Variants in PPARD observed in about 807,000 individuals in gnomAD.
PPARD encodes peroxisome proliferator activated receptor delta.
PPARD carries 6 observed loss-of-function variants against 39.5 expected under a neutral mutation model. The observed-to-expected ratio is 0.15, with a 90% CI of 0.08 to 0.30. The LOEUF (loss-of-function observed/expected upper bound fraction) is 0.30. Ranked by LOEUF, PPARD falls within the 10% of genes least tolerant of loss-of-function variation. The pLI, the probability that PPARD is intolerant of heterozygous loss-of-function variation, is 1.00. For synonymous variants in PPARD, 210 were observed against 231.3 expected (o/e 0.91, Z 0.83); for missense variants, 397 against 596.8 (o/e 0.67, Z 3.49).
chr6:35,402,328 C>T (rs549176617), intron 2 of PPARD, among the ~76,000 whole-genome samples: 2 of 152,290 alleles, frequency 1.3e-5, no homozygotes, highest in South Asian at 2.1e-4. Context: ...ACAGATTTTT[C>T]GCAGTCTTCA....
At chr6:35,395,281 A>G (rs1194130134) in intron 2 of PPARD, among the ~76,000 whole-genome samples, 1 of 152,236 alleles carries the variant, frequency 6.6e-6, no homozygotes, top group African/African-American at 2.4e-5. Context: ...AATCGGGCTT[A>G]GAAAACCCTC....
chr6:35,397,050 A>C (rs928573712), intron 2 of PPARD, among the ~76,000 whole-genome samples: 1 of 151,978 alleles, frequency 6.6e-6, no homozygotes, highest in Admixed American at 6.6e-5. Flanking sequence ...CCTCCTCAGG[A>C]CTCAGCTGCC....
At chr6:35,391,482 C>T (rs74462439) in intron 2 of PPARD, among the ~76,000 whole-genome samples, 431 of 152,316 alleles carry the variant, frequency 2.8e-3, no homozygotes, top group African/African-American at 9.9e-3. Flanking sequence ...TTGCTTACAT[C>T]AGGAGGCACA....
At chr6:35,398,435 G>C (rs1244981681) in intron 2 of PPARD, among the ~76,000 whole-genome samples, 1 of 152,192 alleles carries the variant, frequency 6.6e-6, no homozygotes, top group Non-Finnish European at 1.5e-5. Flanking sequence ...TGGGGGGAAG[G>C]TAAAGGGCTC....
intron 2 of PPARD, among the ~76,000 whole-genome samples, chr6:35,359,430 C>G (rs1380415690): frequency 6.6e-6 from 1 of 152,166 alleles, no homozygotes; most frequent in African/African-American, 2.4e-5. Context: ...CCTCCTCTTT[C>G]TGAATGATGA....
intron 2 of PPARD, among the ~76,000 whole-genome samples, chr6:35,386,589 C>T (rs541558654): frequency 2.0e-5 from 3 of 152,222 alleles, no homozygotes; most frequent in African/African-American, 7.2e-5. Flanking sequence ...AGGAGACTAA[C>T]TTCAAGGTCA....
intron 3 of PPARD, among the ~76,000 whole-genome samples, chr6:35,413,410 T>G (rs1343268682): frequency 6.6e-6 from 1 of 152,206 alleles, no homozygotes; most frequent in African/African-American, 2.4e-5. Context: ...GAGAGAGGGT[T>G]ACTTGACATA....
intron 2 of PPARD, among the ~76,000 whole-genome samples, chr6:35,374,581 C>G (rs1006482406): frequency 6.6e-6 from 1 of 151,284 alleles, no homozygotes; most frequent in African/African-American, 2.4e-5. Context: ...TGGCGTGAAC[C>G]CGGGACACAG....
intron 2 of PPARD, among the ~76,000 whole-genome samples, chr6:35,357,403 G>C (rs1224338752): frequency 6.6e-6 from 1 of 152,132 alleles, no homozygotes; most frequent in Non-Finnish European, 1.5e-5. Context: ...CCCTCAGCAC[G>C]CACATCCTGG....
In PPARD at chr6:35,426,150, C is replaced by A; in HGVS notation, c.*71C>A. On this transcript the variant is annotated 3_prime_UTR_variant, in exon 8 of 8. Coordinates refer to ENST00000360694, the MANE Select transcript of PPARD (RefSeq NM_006238.5). ...GGAGGGGCCCACCCACATGACTTTT[C>A]CATTGACCAGCCCTTGAGCACCCGG... 1.3e-6 allele frequency: 2 copies of A among 1,558,064 alleles called. No homozygotes were observed. The highest frequency in any genetic ancestry group is 1.7e-6 in the Non-Finnish European group (2 of 1,156,780).
chr6:35,345,818 A>G (rs1156470832), intron 1 of PPARD, among the ~76,000 whole-genome samples: 1 of 150,298 alleles, frequency 6.7e-6, no homozygotes, highest in Non-Finnish European at 1.5e-5. Context: ...ATTCTGGCAC[A>G]TCCTGGGATA....
chr6:35,370,315 G>A (rs189746709), intron 2 of PPARD, among the ~76,000 whole-genome samples: 4 of 152,266 alleles, frequency 2.6e-5, no homozygotes, highest in Admixed American at 6.5e-5. Flanking sequence ...AGGCTGCATC[G>A]TGTTGTCTGG....
At position 35,401,669 on chromosome 6, in the gene PPARD, A is replaced by G. The variant is rs1764702884; in HGVS notation, c.-101-9318A>G. ...AGAGGCTACGTAAGGTCCTCAGGAA[A>G]GCGTCTCCTGGCCACTCGCACCTGA... is the stretch of plus-strand genomic sequence containing the variant. On this transcript the variant is annotated intron_variant, in intron 2 of 7. Coordinates refer to ENST00000360694, the MANE Select transcript of PPARD (RefSeq NM_006238.5). This position sits in a 1 kb window ranked among gnomAD's most constrained non-coding sequence, Gnocchi z 4.1. Among the ~76,000 whole-genome samples, 1 of 152,180 alleles carries G rather than the reference A, an allele frequency of 6.6e-6. No individual in the cohort carries two copies. The highest frequency in any genetic ancestry group is 1.5e-5 in the Non-Finnish European group (1 of 68,042).
Position 35,391,066 on chromosome 6 carries a change from ATTG to A in PPARD, c.-101-19918_-101-19916del, listed in dbSNP as rs200364239. On this transcript the variant is annotated intron_variant, in intron 2 of 7. Transcript: ENST00000360694. ...TAAAAATAAAATAAATGCATAGTTT[ATTG>A]TTATTATGGACAAATATATTGTGAT... 6.3e-4 allele frequency among the ~76,000 whole-genome samples: 96 copies of A among 152,322 alleles called. No individual in the cohort carries two copies. In the East Asian group the frequency reaches 0.015, roughly 23 times the overall value.
chr6:35,346,501 A>G (rs1792192713), intron 1 of PPARD, among the ~76,000 whole-genome samples: 1 of 152,166 alleles, frequency 6.6e-6, no homozygotes, highest in Non-Finnish European at 1.5e-5. Flanking sequence ...TTTGGTGTCC[A>G]TGCACATTTT....
chr6:35,399,698 ACT>A (rs931748435), intron 2 of PPARD, among the ~76,000 whole-genome samples: 3 of 152,116 alleles, frequency 2.0e-5, no homozygotes, highest in South Asian at 4.2e-4. Flanking sequence ...ACAGAGCAAG[ACT>A]CTGTCTCAAA....
chr6:35,415,145 G>A (rs773692342), intron 3 of PPARD, among the ~76,000 whole-genome samples: 10 of 152,190 alleles, frequency 6.6e-5, no homozygotes, highest in Non-Finnish European at 1.5e-4. Context: ...GCAAGCACTT[G>A]GTGGGCATCA....
chr6:35,355,128 C>T (rs1278059169), intron 2 of PPARD, among the ~76,000 whole-genome samples: 6 of 152,070 alleles, frequency 3.9e-5, no homozygotes, highest in African/African-American at 1.2e-4. Context: ...AGCCTGGGAG[C>T]CTCATCTTCC....
At chr6:35,372,350 G>T (rs1052338450) in intron 2 of PPARD, among the ~76,000 whole-genome samples, 3 of 152,046 alleles carry the variant, frequency 2.0e-5, no homozygotes, top group Non-Finnish European at 4.4e-5. Flanking sequence ...GCAAGTTTTT[G>T]TATTTTTTAG....
Sources: allele counts gnomAD v4.1 joint callset (sites outside exome capture counted in the v4.1 genomes callset), GRCh38; gene constraint gnomAD v4.1.1; non-coding constraint Gnocchi (gnomAD v3.1); transcripts MANE v1.5; gene names NCBI Gene and HGNC (gene_info 2026-07-23, HGNC 2026-07-21).